GRAMD1A: variants seen among roughly 807,000 people sequenced by gnomAD.
The protein encoded by GRAMD1A is protein Aster-A.
A neutral mutation model predicts 92.0 loss-of-function variants in GRAMD1A; 50 were observed. The observed-to-expected ratio is 0.54, with a 90% CI of 0.43 to 0.69. GRAMD1A has a LOEUF of 0.69. Among genes scored for constraint, GRAMD1A ranks in the 30% least tolerant of loss-of-function variants. GRAMD1A has a pLI of 0.00. For missense variants in GRAMD1A, 819 were observed against 978.9 expected, an observed-to-expected ratio of 0.84 and a Z score of 2.18; for synonymous variants, 405 against 403.6, an observed-to-expected ratio of 1.00 and a Z score of -0.04.
chr19:35,011,906 T>G (rs2015270528), intron 7 of GRAMD1A, among the ~76,000 whole-genome samples: 1 of 152,096 alleles, frequency 6.6e-6, no homozygotes, highest in Non-Finnish European at 1.5e-5. Context: ...CCCAGCCCCA[T>G]CCTCCGGCTG....
intron 10 of GRAMD1A, chr19:35,015,010 A>G (rs180875772): frequency 6.4e-6 from 1 of 155,154 alleles, no homozygotes; most frequent in African/African-American, 2.4e-5. Flanking sequence ...TTTACAAAAA[A>G]TTTAAAAATT....
At chr19:34,999,900 G>C, upstream of GRAMD1A, 1 of 466,306 alleles carries the variant, frequency 2.1e-6, no homozygotes, top group Non-Finnish European at 2.8e-6. Context: ...ACCCCTTCCC[G>C]CCAGCTTCAG....
At position 35,000,499 on chromosome 19, in the gene GRAMD1A, C is replaced by T. The variant is rs2070086485; in HGVS notation, c.8+13C>T. On this transcript the variant is annotated intron_variant, in intron 1 of 19. Transcript: ENST00000317991. The surrounding 1 kb of genome is among the most constrained non-coding windows in gnomAD (Gnocchi z 4.9). ...CATCCATGTTCGAGTAAGGACCGGG[C>T]GACTAGAGCTCAGGGACCGGGCGCG... 7.1e-6 allele frequency: 9 copies of T among 1,275,644 alleles called. No homozygotes were observed. Among genetic ancestry groups the T allele is most frequent in the African/African-American group, 1.6e-5 (1 of 64,242 alleles). The allele number at this position is 1,275,644 out of a possible 1,614,324, so 79.0% of individuals were successfully genotyped here.
At chr19:35,002,228 A>G (rs566767483) in intron 1 of GRAMD1A, among the ~76,000 whole-genome samples, 1 of 152,012 alleles carries the variant, frequency 6.6e-6, no homozygotes, top group Admixed American at 6.5e-5. Context: ...TCCACCTGTT[A>G]CAGTTAGTAT....
chr19:35,022,297 C>A (rs2016117897), intron 16 of GRAMD1A, among the ~76,000 whole-genome samples: 1 of 152,106 alleles, frequency 6.6e-6, no homozygotes, highest in South Asian at 2.1e-4. Context: ...GGGGGGCTTT[C>A]TGGAGGAGCA....
At chr19:35,024,198 C>T (rs2016283823) in intron 19 of GRAMD1A, among the ~76,000 whole-genome samples, 1 of 152,226 alleles carries the variant, frequency 6.6e-6, no homozygotes, top group South Asian at 2.1e-4. Flanking sequence ...GTGGACTCCT[C>T]TGTGCACAGG....
At position 35,010,414 on chromosome 19, in the gene GRAMD1A, C is replaced by T. The variant is rs1413371175; in HGVS notation, c.525+35C>T. On this transcript the variant is annotated intron_variant, in intron 6 of 19. Coordinates refer to ENST00000317991, the MANE Select transcript of GRAMD1A (RefSeq NM_020895.5). ...GACCCGGTGACGGGACCACGCGGTC[C>T]CCCGCTCAGCAGGCCGCCTCCCCCA... is the stretch of plus-strand genomic sequence containing the variant. 6 of 1,406,884 alleles carry T rather than the reference C, an allele frequency of 4.3e-6. No individual in the cohort carries two copies. The African/African-American group carries it at 5.6e-5, about 13-fold the overall frequency. The allele number at this position is 1,406,884 out of a possible 1,614,324, so 87.2% of individuals were successfully genotyped here.
rs571932529 is a variant in GRAMD1A at position 35,023,125 on chromosome 19, A to G, written c.1854-111A>G. On this transcript the variant is annotated intron_variant, in intron 17 of 19. Transcript: ENST00000317991. ...ATGTCTCTCATCCTCTCTGAGCCTA[A>G]TTCTCCTCCTCTGCAATGGGGGATA... The G allele has an allele frequency of 4.6e-5, 40 of 866,626 alleles. No homozygotes were observed. The African/African-American group carries it at 5.6e-4, about 12-fold the overall frequency. 53.7% of individuals were successfully genotyped at this position (866,626 alleles called of 1,614,324 possible).
At chr19:34,995,381 G>A (rs76777490), upstream of GRAMD1A, among the ~76,000 whole-genome samples, 142 of 152,258 alleles carry the variant, frequency 9.3e-4, no homozygotes, top group Middle Eastern at 3.4e-3. Flanking sequence ...GGGATTAACT[G>A]AGCACTTACT....
intron 11 of GRAMD1A, among the ~76,000 whole-genome samples, chr19:35,017,487 C>T (rs146601843): frequency 3.8e-4 from 58 of 152,166 alleles, no homozygotes; most frequent in African/African-American, 1.3e-3. Context: ...CCATCTGACA[C>T]GCTCCTCCCC....
At chr19:35,020,697 G>A (rs926316182) in intron 13 of GRAMD1A, among the ~76,000 whole-genome samples, 3 of 150,782 alleles carry the variant, frequency 2.0e-5, no homozygotes, top group African/African-American at 7.3e-5. Context: ...ACCAGATGTG[G>A]CTCATGGTGA....
At chr19:35,008,227 G>A (rs997904480) in intron 1 of GRAMD1A, among the ~76,000 whole-genome samples, 38 of 152,084 alleles carry the variant, frequency 2.5e-4, no homozygotes, top group African/African-American at 8.9e-4. Flanking sequence ...TACTCAGGAG[G>A]TTGAAGCAGG....
chr19:35,009,025 G>A (rs993713087), intron 1 of GRAMD1A, 94 bp from the exon 2 acceptor site: 55 of 802,190 alleles, frequency 6.9e-5, no homozygotes, highest in Non-Finnish European at 6.9e-5. Flanking sequence ...GTGTGTATTC[G>A]GGGATCAATG....
intron 19 of GRAMD1A, 133 bp downstream of exon 19, chr19:35,023,680 G>T: frequency 1.3e-6 from 1 of 797,658 alleles, no homozygotes; most frequent in Non-Finnish European, 1.9e-6. Context: ...AAGCCGCTCA[G>T]AGTCCCCACC....
chr19:35,018,175 A>G (rs936484304), intron 11 of GRAMD1A, among the ~76,000 whole-genome samples: 8 of 151,968 alleles, frequency 5.3e-5, no homozygotes, highest in African/African-American at 1.9e-4. Context: ...TTTAGTAGAG[A>G]CGGGGTTTCA....
upstream of GRAMD1A, chr19:34,996,230 C>G: frequency 6.5e-7 from 1 of 1,535,812 alleles, no homozygotes; most frequent in Non-Finnish European, 8.7e-7. Context: ...CGCCTGCACC[C>G]CAACCCCCCG....
At chr19:35,019,105 GA>G (rs1350956965) in intron 11 of GRAMD1A, 85 bp from the exon 12 acceptor site, 2 of 858,942 alleles carry the variant, frequency 2.3e-6, no homozygotes, top group Non-Finnish European at 3.8e-6. Context: ...GGTCCCCAGA[GA>G]GACCTCCCAG....
Position 35,022,883 on chromosome 19 carries a change from C to CACT in GRAMD1A, c.1842-16_1842-14dup. 1 of 1,603,902 alleles carries CACT rather than the reference C, an allele frequency of 6.2e-7. No homozygotes were observed. The highest frequency in any genetic ancestry group is 1.1e-5 in the South Asian group (1 of 89,106). ...CGGCGCTCATCTCTCTGTCTCCCCT[C>CACT]ACTGCTGCTGCTGCAGGATCTGTGT... is the stretch of plus-strand genomic sequence containing the variant. On this transcript the variant is annotated splice_polypyrimidine_tract_variant and intron_variant, in intron 16 of 19. Coordinates refer to ENST00000317991, the MANE Select transcript of GRAMD1A (RefSeq NM_020895.5).
chr19:34,997,207 C>T (rs1046529042), upstream of GRAMD1A, among the ~76,000 whole-genome samples: 12 of 151,934 alleles, frequency 7.9e-5, no homozygotes, highest in Admixed American at 5.2e-4. Context: ...GGCACCCGGC[C>T]GCAATCAGCA....
Sources: allele counts gnomAD v4.1 joint callset (sites outside exome capture counted in the v4.1 genomes callset), GRCh38; gene constraint gnomAD v4.1.1; non-coding constraint Gnocchi (gnomAD v3.1); transcripts MANE v1.5; gene names NCBI Gene and HGNC (gene_info 2026-07-23, HGNC 2026-07-21).